CIMIP6: variants seen among roughly 807,000 people sequenced by gnomAD.
The protein encoded by CIMIP6 is uncharacterized protein C2orf73.
chr2:54,339,829 A>G, the CIMIP6 span: 2 of 144,100 alleles, frequency 1.4e-5, 1 homozygote, highest in Admixed American at 2.5e-4. Flanking sequence ...GACCTCTTGC[A>G]TTCACTTAAC....
At chr2:54,347,331 G>T in the CIMIP6 span, among the ~76,000 whole-genome samples, 1 of 152,170 alleles carries the variant, frequency 6.6e-6, no homozygotes, top group Non-Finnish European at 1.5e-5. Context: ...AATAGAAACT[G>T]GAAATGATGC....
chr2:54,359,160 C>A, the CIMIP6 span: 1 of 800,526 alleles, frequency 1.2e-6, no homozygotes, highest in Non-Finnish European at 2.0e-6. Flanking sequence ...AATTATCTTT[C>A]TGTCTATTTA....
chr2:54,365,718 C>A, the CIMIP6 span, among the ~76,000 whole-genome samples: 1 of 152,100 alleles, frequency 6.6e-6, no homozygotes, highest in Non-Finnish European at 1.5e-5. Context: ...AACCTCATTT[C>A]TTTATAAATT....
At chr2:54,345,767 G>A in the CIMIP6 span, among the ~76,000 whole-genome samples, 1 of 152,132 alleles carries the variant, frequency 6.6e-6, no homozygotes, top group Admixed American at 6.5e-5. Flanking sequence ...CATTAAAAGG[G>A]TCTACTGGGT....
chr2:54,333,734 A>T, the CIMIP6 span, among the ~76,000 whole-genome samples: 44 of 152,188 alleles, frequency 2.9e-4, no homozygotes, highest in African/African-American at 9.9e-4. Flanking sequence ...ACTAAAAAAA[A>T]ATACAAAAAT....
the CIMIP6 span, chr2:54,361,163 T>C: frequency 1.2e-4 from 19 of 152,240 alleles, no homozygotes; most frequent in Non-Finnish European, 2.5e-4. Context: ...AACTCCTCCA[T>C]ATATAATTAA....
chr2:54,357,810 C>A, the CIMIP6 span, among the ~76,000 whole-genome samples: 1 of 150,844 alleles, frequency 6.6e-6, no homozygotes, highest in East Asian at 1.9e-4. Flanking sequence ...TGGTCTCGAT[C>A]TCTTGACCTT....
chr2:54,331,133 G>T, the CIMIP6 span: 1,753 of 816,302 alleles, frequency 2.1e-3, 25 homozygotes, highest in African/African-American at 0.022. Context: ...ATTTCCAGTT[G>T]GCTGAGCGCT....
chr2:54,366,755 G>C, the CIMIP6 span, among the ~76,000 whole-genome samples: 17 of 151,684 alleles, frequency 1.1e-4, no homozygotes, highest in South Asian at 1.2e-3. Context: ...AAGTAATAAT[G>C]GTCAACACAG....
At chr2:54,368,000 C>A in the CIMIP6 span, among the ~76,000 whole-genome samples, 1 of 152,024 alleles carries the variant, frequency 6.6e-6, no homozygotes, top group Admixed American at 6.5e-5. Context: ...TAGGAGACAT[C>A]CCCCAAAAAA....
the CIMIP6 span, chr2:54,383,867 C>T: frequency 1.3e-5 from 2 of 152,058 alleles, no homozygotes; most frequent in Admixed American, 6.6e-5. Flanking sequence ...ATTTCAGGAG[C>T]GATTTTCTTA....
chr2:54,356,820 A>G, the CIMIP6 span, among the ~76,000 whole-genome samples: 32,512 of 152,090 alleles, frequency 0.21, 3,640 homozygotes, highest in African/African-American at 0.23. Flanking sequence ...AAACATGTCT[A>G]TTTTATTACC....
the CIMIP6 span, among the ~76,000 whole-genome samples, chr2:54,364,065 T>C: frequency 1.3e-5 from 2 of 152,254 alleles, no homozygotes; most frequent in Non-Finnish European, 2.9e-5. Context: ...CTGAAAGTCA[T>C]TGAACTTTCA....
the CIMIP6 span, chr2:54,360,319 A>G: frequency 6.2e-7 from 1 of 1,611,702 alleles, no homozygotes; most frequent in African/African-American, 1.3e-5. Context: ...AGTCCAAAAA[A>G]ACAGAGAAAG....
chr2:54,332,427 C>T, the CIMIP6 span, among the ~76,000 whole-genome samples: 27 of 152,316 alleles, frequency 1.8e-4, no homozygotes, highest in Admixed American at 7.8e-4. Context: ...GCACCTGGCA[C>T]GCAACTCAAT....
chr2:54,347,131 A>T, the CIMIP6 span, among the ~76,000 whole-genome samples: 1 of 152,228 alleles, frequency 6.6e-6, no homozygotes, highest in Non-Finnish European at 1.5e-5. Context: ...AAAAGAAAAC[A>T]GTTGTTTCTA....
the CIMIP6 span, among the ~76,000 whole-genome samples, chr2:54,338,239 T>C: frequency 4.9e-4 from 75 of 151,768 alleles, no homozygotes; most frequent in African/African-American, 1.7e-3. Flanking sequence ...TTTGAAACCT[T>C]CCTGGGCAAC....
chr2:54,344,960 C>G, the CIMIP6 span, among the ~76,000 whole-genome samples: 1 of 152,152 alleles, frequency 6.6e-6, no homozygotes, highest in African/African-American at 2.4e-5. Context: ...TGAGCACATA[C>G]TATTTGCCAG....
At chr2:54,362,609 T>C in the CIMIP6 span, among the ~76,000 whole-genome samples, 2 of 152,140 alleles carry the variant, frequency 1.3e-5, no homozygotes, top group African/African-American at 4.8e-5. Flanking sequence ...GTGCAGTGCC[T>C]TGATCTCGGC....
Sources: allele counts gnomAD v4.1 joint callset (sites outside exome capture counted in the v4.1 genomes callset), GRCh38; gene constraint gnomAD v4.1.1; transcripts MANE v1.5; gene names NCBI Gene and HGNC (gene_info 2026-07-23, HGNC 2026-07-21).